Variants in SORCS2 observed in about 807,000 individuals in gnomAD.
The protein encoded by SORCS2 is sortilin related VPS10 domain containing receptor 2, also known as VPS10 domain-containing receptor SorCS2.
A neutral mutation model predicts 141.6 loss-of-function variants in SORCS2; 100 were observed. The ratio of observed to expected loss-of-function variants is 0.71; its 90% confidence interval spans 0.60 to 0.83. The LOEUF is 0.83. Among genes scored for constraint, SORCS2 ranks in the 40% least tolerant of loss-of-function variants. The pLI, the probability that SORCS2 is intolerant of heterozygous loss-of-function variation, is 0.00. For synonymous variants in SORCS2, 789 were observed against 676.9 expected (o/e 1.17, Z -2.57); for missense variants, 1,646 against 1,560.2 (o/e 1.05, Z -0.93).
At chr4:7,411,022 C>A (rs889565872) in intron 2 of SORCS2, among the ~76,000 whole-genome samples, 1 of 122,514 alleles carries the variant, frequency 8.2e-6, no homozygotes, top group Admixed American at 1.2e-4. Context: ...GTGGTGTGAT[C>A]TCGACTCACC....
rs369850374 is a variant in SORCS2 at position 7,656,280 on chromosome 4, G to C, written c.887+2073G>C. Among the ~76,000 whole-genome samples, 18 of 152,316 alleles carry C rather than the reference G, an allele frequency of 1.2e-4. No individual in the cohort carries two copies. In the East Asian group the frequency reaches 3.3e-3, roughly 28 times the overall value. On this transcript the variant is annotated intron_variant, in intron 5 of 26. Transcript: ENST00000507866. ...GGTGCCCTGATACCTGCTGCCTCCT[G>C]GGCAGGGCCGCGGGTACCCGCCCCC...
intron 3 of SORCS2, among the ~76,000 whole-genome samples, chr4:7,637,896 T>G (rs1267033991): frequency 1.3e-5 from 2 of 151,998 alleles, no homozygotes; most frequent in African/African-American, 2.4e-5. Context: ...GCCGGCTGGG[T>G]TGAGAGTGGA....
intron 3 of SORCS2, among the ~76,000 whole-genome samples, chr4:7,557,037 C>G (rs1034231275): frequency 7.2e-5 from 11 of 152,144 alleles, no homozygotes; most frequent in African/African-American, 2.4e-4. Flanking sequence ...CCATCCATCC[C>G]TTTACTTTCC....
intron 2 of SORCS2, among the ~76,000 whole-genome samples, chr4:7,403,987 ATATATATATATTTTTTTTTTT>A (rs1240295214): frequency 4.5e-5 from 1 of 22,138 alleles, no homozygotes; most frequent in Non-Finnish European, 1.1e-4. Flanking sequence ...ATATATATAT[ATATATATATATTTTTTTTTTT>A]TTTTTAGTAT....
chr4:7,376,413 C>T (rs572315617), intron 1 of SORCS2, among the ~76,000 whole-genome samples: 40 of 152,128 alleles, frequency 2.6e-4, no homozygotes, highest in Non-Finnish European at 4.1e-4. Flanking sequence ...CCCGTCTTTA[C>T]GAAAAATACA....
intron 2 of SORCS2, among the ~76,000 whole-genome samples, chr4:7,425,553 G>A (rs1186735989): frequency 6.6e-6 from 1 of 152,194 alleles, no homozygotes; most frequent in Non-Finnish European, 1.5e-5. Context: ...ACACCTGAGC[G>A]GCTCTGCTCC....
At position 7,413,391 on chromosome 4, in the gene SORCS2, C is replaced by CTTTTTTT. The variant is rs34379092; in HGVS notation, c.548+17050_548+17056dup. Among the ~76,000 whole-genome samples the CTTTTTTT allele has an allele frequency of 3.3e-4, 28 of 84,816 alleles. 2 individuals carry two copies. Among genetic ancestry groups the CTTTTTTT allele is most frequent in the Admixed American group, 6.5e-4 (4 of 6,154 alleles). 55.6% of individuals were successfully genotyped at this position (84,816 alleles called of 152,430 possible). A position where few individuals can be genotyped will look rare whatever the true frequency, so the allele number is the denominator to read the frequency against. Reference sequence around the variant, plus strand: ...ATGATCCTCCGTATTTTCACAGCTGCTTTTTTTTTTTTTTTTTTTTGAGAT... The same window carrying CTTTTTTT: ...ATGATCCTCCGTATTTTCACAGCTGCTTTTTTTTTTTTTTTTTTTTTTTTTTTGAGAT... On this transcript the variant is annotated intron_variant, in intron 2 of 26. Coordinates refer to ENST00000507866, the MANE Select transcript of SORCS2 (RefSeq NM_020777.3).
At chr4:7,625,751 G>A (rs899592308) in intron 3 of SORCS2, among the ~76,000 whole-genome samples, 1 of 151,998 alleles carries the variant, frequency 6.6e-6, no homozygotes, top group African/African-American at 2.4e-5. Flanking sequence ...GGGAGGAAGA[G>A]AAGGAGGGAG....
Position 7,297,926 on chromosome 4 carries a change from G to A in SORCS2, c.481-98362G>A, listed in dbSNP as rs534424160. ...CAAGGGCCAGAGAATCTGTGGAGCC[G>A]AGACTGAGCCCCCTGGGGCTGGTAT... is the stretch of plus-strand genomic sequence containing the variant. On this transcript the variant is annotated intron_variant, in intron 1 of 26. Coordinates refer to ENST00000507866, the MANE Select transcript of SORCS2 (RefSeq NM_020777.3). Among the ~76,000 whole-genome samples the A allele has an allele frequency of 6.6e-5, 10 of 152,358 alleles. No homozygotes were observed. In the East Asian group the frequency reaches 7.7e-4, roughly 12 times the overall value.
chr4:7,512,043 C>G (rs1163873268), intron 2 of SORCS2, among the ~76,000 whole-genome samples: 2 of 152,200 alleles, frequency 1.3e-5, no homozygotes, highest in African/African-American at 4.8e-5. Flanking sequence ...ACAGACAGCA[C>G]ACTGGTGCCT....
intron 2 of SORCS2, among the ~76,000 whole-genome samples, chr4:7,424,758 A>T (rs1233906330): frequency 1.3e-5 from 2 of 152,086 alleles, no homozygotes; most frequent in Non-Finnish European, 2.9e-5. Flanking sequence ...TGCATGGGAG[A>T]TCTCCTTAAG....
At chr4:7,403,976 TATATATATATATA>T (rs1560256627) in intron 2 of SORCS2, among the ~76,000 whole-genome samples, 1 of 6,846 alleles carries the variant, frequency 1.5e-4, no homozygotes, top group Non-Finnish European at 4.5e-4. Flanking sequence ...TATATATATA[TATATATATATATA>T]TATATATATT....
intron 1 of SORCS2, among the ~76,000 whole-genome samples, chr4:7,219,722 A>G (rs1282969207): frequency 2.0e-5 from 3 of 152,232 alleles, no homozygotes; most frequent in Admixed American, 6.5e-5. Flanking sequence ...GGTCCCTCCC[A>G]TGACACGTGG....
chr4:7,554,506 G>C (rs1351628717), intron 3 of SORCS2, among the ~76,000 whole-genome samples: 1 of 152,108 alleles, frequency 6.6e-6, no homozygotes, highest in Non-Finnish European at 1.5e-5. Flanking sequence ...TTCCCTATGA[G>C]ACAGTCCTGG....
At chr4:7,710,773 A>G (rs10016810) in intron 14 of SORCS2, among the ~76,000 whole-genome samples, 125,311 of 152,250 alleles carry the variant, frequency 0.82, 51,714 homozygotes, top group African/African-American at 0.87. Flanking sequence ...GCAGAAGCGG[A>G]CGGACGCGGC....
At chr4:7,259,728 A>T (rs990804024) in intron 1 of SORCS2, among the ~76,000 whole-genome samples, 1 of 152,184 alleles carries the variant, frequency 6.6e-6, no homozygotes, top group Non-Finnish European at 1.5e-5. Flanking sequence ...TTTCTCTTCT[A>T]GTCATCATCT....
intron 3 of SORCS2, among the ~76,000 whole-genome samples, chr4:7,637,562 A>C (rs1406738050): frequency 6.6e-6 from 1 of 150,776 alleles, no homozygotes; most frequent in Admixed American, 6.6e-5. Context: ...AACAGTGCCC[A>C]GAACAGTGCC....
intron 3 of SORCS2, among the ~76,000 whole-genome samples, chr4:7,590,547 A>T (rs564001991): frequency 6.6e-6 from 1 of 152,280 alleles, no homozygotes; most frequent in Admixed American, 6.5e-5. Context: ...CAGCATTCTC[A>T]TGTGCTTTGT....
intron 3 of SORCS2, among the ~76,000 whole-genome samples, chr4:7,591,432 C>T (rs967700477): frequency 3.3e-5 from 5 of 152,136 alleles, no homozygotes; most frequent in Admixed American, 1.3e-4. Flanking sequence ...TCAGGCCATC[C>T]AGGGTGGACC....
Sources: allele counts gnomAD v4.1 joint callset (sites outside exome capture counted in the v4.1 genomes callset), GRCh38; gene constraint gnomAD v4.1.1; transcripts MANE v1.5; gene names NCBI Gene and HGNC (gene_info 2026-07-23, HGNC 2026-07-21).